The following SNAPC3 variants were observed in gnomAD, a reference collection of about 807,000 sequenced individuals.
SNAPC3 encodes the protein small nuclear RNA activating complex polypeptide 3.
In SNAPC3, 56 loss-of-function variants were observed where a neutral mutation model predicts 47.7. The ratio of observed to expected loss-of-function variants is 1.18; its 90% CI spans 0.95 to 1.47. The LOEUF is 1.47. Ranked by LOEUF, SNAPC3 falls within the 40% of genes most tolerant of loss-of-function variation. The probability of loss-of-function intolerance (pLI) is 0.00; values close to 1 mark genes in which losing one functional copy is unlikely to be tolerated. For synonymous variants in SNAPC3, 235 were observed against 189.9 expected (o/e 1.24, Z -1.95); for missense variants, 665 against 511.3 (o/e 1.30, Z -2.90).
chr9:15,430,726 G>C (rs2032033067), intron 2 of SNAPC3, among the ~76,000 whole-genome samples: 1 of 152,106 alleles, frequency 6.6e-6, no homozygotes, highest in Non-Finnish European at 1.5e-5. Flanking sequence ...TAAATATACA[G>C]ACGTAGGAGA....
chr9:15,451,704 T>TA (rs775353077), intron 6 of SNAPC3, among the ~76,000 whole-genome samples: 61 of 148,680 alleles, frequency 4.1e-4, no homozygotes, highest in Non-Finnish European at 4.6e-4. Flanking sequence ...ACTCTGTCTC[T>TA]AAAAAAAAAA....
intron 3 of SNAPC3, among the ~76,000 whole-genome samples, chr9:15,434,251 A>G (rs1241559899): frequency 6.6e-6 from 1 of 152,150 alleles, no homozygotes; most frequent in Non-Finnish European, 1.5e-5. Flanking sequence ...GAACTTTTTC[A>G]TCATCCCAAA....
chr9:15,445,060 C>T (rs1212225814), intron 4 of SNAPC3, among the ~76,000 whole-genome samples: 1 of 152,206 alleles, frequency 6.6e-6, no homozygotes, highest in East Asian at 1.9e-4. Flanking sequence ...CACCACTGAA[C>T]TCCAGCCTAG....
chr9:15,427,156 T>C (rs1175090061), intron 2 of SNAPC3, among the ~76,000 whole-genome samples: 11 of 152,196 alleles, frequency 7.2e-5, no homozygotes, highest in Non-Finnish European at 1.2e-4. Context: ...TTGGTAGATA[T>C]TGATTCTTCC....
chr9:15,457,899 CAT>C, intron 7 of SNAPC3, 59 bp from the exon 8 acceptor site: 2 of 904,726 alleles, frequency 2.2e-6, no homozygotes, highest in Non-Finnish European at 3.5e-6. Flanking sequence ...TTTAATAGCT[CAT>C]AAAAATTTGT....
chr9:15,465,490 A>C (rs188404574), downstream of SNAPC3: 479 of 1,490,208 alleles, frequency 3.2e-4, 5 homozygotes, highest in Admixed American at 4.2e-4. Context: ...CAAACTTCTC[A>C]AGTGTTCTCT....
chr9:15,459,926 C>G lies in SNAPC3; in HGVS notation c.*60C>G, dbSNP rs2035077663. On this transcript the variant is annotated 3_prime_UTR_variant, in exon 9 of 9. Transcript: ENST00000380821. ...AATAACTGTTCTCTTGGATGGTTAC[C>G]TTATTTCTAAGAAACGCCACTGAGG... 1.4e-6 allele frequency: 2 copies of G among 1,479,058 alleles called. No homozygotes were observed. Among genetic ancestry groups the G allele is most frequent in the African/African-American group, 1.4e-5 (1 of 71,412 alleles). The allele number at this position is 1,479,058 out of a possible 1,614,324, so 91.6% of individuals were successfully genotyped here.
intron 2 of SNAPC3, among the ~76,000 whole-genome samples, chr9:15,426,223 C>T (rs948370213): frequency 1.3e-5 from 2 of 152,084 alleles, no homozygotes; most frequent in African/African-American, 4.8e-5. Flanking sequence ...GTTTCAGTTC[C>T]TCGAATATGC....
chr9:15,432,693 A>G (rs1002298066), intron 2 of SNAPC3, among the ~76,000 whole-genome samples: 1 of 152,226 alleles, frequency 6.6e-6, no homozygotes, highest in Non-Finnish European at 1.5e-5. Context: ...TGATGAAATA[A>G]ACAGATGGGA....
intron 7 of SNAPC3, among the ~76,000 whole-genome samples, chr9:15,456,451 C>G (rs1587404369): frequency 6.6e-6 from 1 of 152,028 alleles, no homozygotes; most frequent in South Asian, 2.1e-4. Context: ...GTTTGAGTGT[C>G]AAAGACAAAC....
rs765059045 is a variant in SNAPC3, at chr9:15,444,674, G to A, written c.550G>A (p.Val184Met). ...TGAAGAAGGGGAGCTTATCCTATCT[G>A]TGAATATCTTGTACCCTGTTATATT... ...MIEEGELILS[V>M]NILYPVIFHK... Residue 184 changes from valine to methionine, a missense_variant, in exon 4 of 9, where the codon GTG (valine) becomes ATG (methionine). By Grantham distance (21) the Val-to-Met change is conservative. Transcript: ENST00000380821. 1.4e-5 allele frequency: 23 copies of A among 1,608,972 alleles called. No individual in the cohort carries two copies. In the South Asian group the frequency reaches 1.9e-4, roughly 13 times the overall value.
chr9:15,428,342 A>G (rs534920876), intron 2 of SNAPC3, among the ~76,000 whole-genome samples: 1 of 151,866 alleles, frequency 6.6e-6, no homozygotes, highest in East Asian at 2.0e-4. Context: ...ACTCGGAAAC[A>G]GGTAAAGCCT....
downstream of SNAPC3, chr9:15,465,181 C>T (rs1475541729): frequency 4.0e-6 from 1 of 250,750 alleles, no homozygotes; most frequent in Non-Finnish European, 7.7e-6. Context: ...AAGGTTTATA[C>T]AAGTAGCAGT....
At chr9:15,436,525 C>T (rs920414980) in intron 3 of SNAPC3, among the ~76,000 whole-genome samples, 4 of 152,188 alleles carry the variant, frequency 2.6e-5, no homozygotes, top group Non-Finnish European at 5.9e-5. Context: ...CCTAGAACTA[C>T]ACTGTTTTGA....
intron 3 of SNAPC3, among the ~76,000 whole-genome samples, chr9:15,435,202 C>G (rs920419758): frequency 2.0e-5 from 3 of 152,050 alleles, no homozygotes; most frequent in Non-Finnish European, 2.9e-5. Context: ...TTTTGGCCAT[C>G]TGTATATTTT....
At chr9:15,465,676 A>T (rs1587444968), downstream of SNAPC3, 1 of 1,007,650 alleles carries the variant, frequency 9.9e-7, no homozygotes, top group Non-Finnish European at 1.5e-6. Context: ...TAAACCCATG[A>T]AAAGACTGAA....
At chr9:15,441,502 G>A (rs1376651862) in intron 3 of SNAPC3, among the ~76,000 whole-genome samples, 1 of 145,274 alleles carries the variant, frequency 6.9e-6, no homozygotes, top group South Asian at 2.2e-4. Flanking sequence ...ATAAACAAGT[G>A]AACAAGGGTC....
At chr9:15,453,417 T>C in intron 7 of SNAPC3, 1 of 443,838 alleles carries the variant, frequency 2.3e-6, no homozygotes, top group South Asian at 5.0e-5. Context: ...TTGGAAAATC[T>C]TTAAGAAATA....
chr9:15,452,908 T>G (rs1310892787), intron 6 of SNAPC3, 133 bp from the exon 7 acceptor site: 2 of 666,020 alleles, frequency 3.0e-6, no homozygotes, highest in African/African-American at 3.7e-5. Context: ...ATTTTGGTCT[T>G]CATCTCAAGA....
Sources: gnomAD v4.1 joint callset for allele counts (sites outside exome capture counted in the v4.1 genomes callset) on GRCh38, gnomAD v4.1.1 for gene constraint, MANE v1.5 for transcripts, NCBI Gene and HGNC (gene_info 2026-07-23, HGNC 2026-07-21) for gene names.